The following FAM83B variants were observed in gnomAD, a reference collection of about 807,000 sequenced individuals.
The protein encoded by FAM83B is protein FAM83B.
FAM83B carries 26 observed loss-of-function variants against 38.8 expected under a neutral mutation model. The ratio of observed to expected loss-of-function variants is 0.67; its 90% CI spans 0.49 to 0.93. The LOEUF is 0.93. Ranked by LOEUF, FAM83B falls within the 40% of genes least tolerant of loss-of-function variation. FAM83B has a pLI of 0.00. For synonymous variants in FAM83B, 419 were observed against 423.1 expected (o/e 0.99, Z 0.12); for missense variants, 1,237 against 1,197.3 (o/e 1.03, Z -0.49).
At chr6:54,861,932 A>C (rs1771594984) in intron 1 of FAM83B, among the ~76,000 whole-genome samples, 1 of 152,140 alleles carries the variant, frequency 6.6e-6, no homozygotes. Flanking sequence ...CATTCAATCT[A>C]TATCTAATCT....
intron 4 of FAM83B, among the ~76,000 whole-genome samples, chr6:54,931,534 T>TA (rs536655684): frequency 1.2e-4 from 19 of 152,142 alleles, no homozygotes; most frequent in Non-Finnish European, 1.9e-4. Context: ...ACCCCTTTTT[T>TA]ATCACATAAT....
intron 2 of FAM83B, among the ~76,000 whole-genome samples, chr6:54,901,692 GCT>G (rs1772665326): frequency 6.6e-6 from 1 of 152,122 alleles, no homozygotes; most frequent in Non-Finnish European, 1.5e-5. Flanking sequence ...AAGGTACTAA[GCT>G]CTTTCTTGCA....
At chr6:54,874,616 G>GT (rs554284110) in intron 2 of FAM83B, among the ~76,000 whole-genome samples, 24 of 151,470 alleles carry the variant, frequency 1.6e-4, no homozygotes, top group South Asian at 4.2e-4. Flanking sequence ...TTTCATTAAA[G>GT]TTTTTTTTTC....
chr6:54,853,266 T>G (rs955383560), intron 1 of FAM83B, among the ~76,000 whole-genome samples: 2 of 152,174 alleles, frequency 1.3e-5, no homozygotes, highest in Non-Finnish European at 2.9e-5. Context: ...CTGAAGCAAG[T>G]TATCCAGAAA....
chr6:54,855,783 A>G (rs974854095), intron 1 of FAM83B, among the ~76,000 whole-genome samples: 2 of 152,212 alleles, frequency 1.3e-5, no homozygotes, highest in African/African-American at 4.8e-5. Context: ...AGCCCTTGAA[A>G]TCCTAAGTAT....
chr6:54,905,632 G>A (rs368002404), intron 2 of FAM83B, among the ~76,000 whole-genome samples: 3 of 152,062 alleles, frequency 2.0e-5, no homozygotes, highest in Admixed American at 2.0e-4. Flanking sequence ...GTGTAAAAAA[G>A]TCTTTACTAT....
chr6:54,928,605 T>C (rs151165804), intron 4 of FAM83B, among the ~76,000 whole-genome samples: 21 of 152,262 alleles, frequency 1.4e-4, no homozygotes, highest in Middle Eastern at 3.4e-3. Context: ...AATGAAAACA[T>C]ATTAACAGCA....
chr6:54,915,236 T>C lies in FAM83B; in HGVS notation c.445-11135T>C, dbSNP rs535708663. Among the ~76,000 whole-genome samples, 9 of 152,346 alleles carry C rather than the reference T, an allele frequency of 5.9e-5. No individual in the cohort carries two copies. The South Asian group carries it at 1.2e-3, about 21-fold the overall frequency. On this transcript the variant is annotated intron_variant, in intron 2 of 4. Coordinates refer to ENST00000306858, the MANE Select transcript of FAM83B (RefSeq NM_001010872.3). ...ATCATATTGTTTTGACTTAGTCTGA[T>C]GGCTTTCTTTATACACAAAAATGAA...
intron 2 of FAM83B, among the ~76,000 whole-genome samples, chr6:54,919,559 T>A (rs1193698677): frequency 6.6e-6 from 1 of 152,076 alleles, no homozygotes; most frequent in African/African-American, 2.4e-5. Flanking sequence ...ATGTACAATG[T>A]ACCTTTTAAT....
At chr6:54,927,685 A>C (rs781695772) in intron 4 of FAM83B, 53 bp downstream of exon 4, 208 of 897,316 alleles carry the variant, frequency 2.3e-4, no homozygotes, top group Non-Finnish European at 3.0e-4. Flanking sequence ...ATGATTTATT[A>C]GTTTCAAATT....
intron 1 of FAM83B, among the ~76,000 whole-genome samples, chr6:54,869,488 A>C (rs950026878): frequency 4.0e-5 from 6 of 151,526 alleles, no homozygotes; most frequent in African/African-American, 1.5e-4. Flanking sequence ...TTTTTCTTTA[A>C]TTTTTTTCTT....
chr6:54,936,262 G>A, intron 4 of FAM83B, among the ~76,000 whole-genome samples: 1 of 151,948 alleles, frequency 6.6e-6, no homozygotes, highest in East Asian at 1.9e-4. Flanking sequence ...TTTTCCAATT[G>A]CCACACATTC....
At chr6:54,921,774 C>T (rs1315220024) in intron 2 of FAM83B, among the ~76,000 whole-genome samples, 5 of 152,012 alleles carry the variant, frequency 3.3e-5, no homozygotes, top group Admixed American at 3.3e-4. Flanking sequence ...GCCATGTGGC[C>T]ATGTGTGCAA....
chr6:54,908,602 A>G (rs1275824712), intron 2 of FAM83B, among the ~76,000 whole-genome samples: 1 of 152,168 alleles, frequency 6.6e-6, no homozygotes, highest in African/African-American at 2.4e-5. Flanking sequence ...CGGACTTAAG[A>G]TTCTGTCCTA....
chr6:54,904,501 G>C (rs1284957730), intron 2 of FAM83B, among the ~76,000 whole-genome samples: 1 of 152,002 alleles, frequency 6.6e-6, no homozygotes, highest in African/African-American at 2.4e-5. Flanking sequence ...CCCACTCCAC[G>C]GCTCTGTTTT....
chr6:54,925,084 G>A (rs1053796634), intron 2 of FAM83B, among the ~76,000 whole-genome samples: 2 of 151,888 alleles, frequency 1.3e-5, no homozygotes, highest in African/African-American at 4.8e-5. Flanking sequence ...CTGTTTTTTG[G>A]ATTGCCAGAG....
chr6:54,895,581 A>G (rs762145408), intron 2 of FAM83B, among the ~76,000 whole-genome samples: 1 of 152,188 alleles, frequency 6.6e-6, no homozygotes, highest in Non-Finnish European at 1.5e-5. Context: ...CATATCAAGC[A>G]TCATATATTC....
chr6:54,928,253 T>A (rs1773349392), intron 4 of FAM83B, among the ~76,000 whole-genome samples: 1 of 152,124 alleles, frequency 6.6e-6, no homozygotes, highest in African/African-American at 2.4e-5. Context: ...AGAGTCATTA[T>A]TAAAGACTGA....
At chr6:54,883,037 G>A (rs931528903) in intron 2 of FAM83B, among the ~76,000 whole-genome samples, 4 of 151,812 alleles carry the variant, frequency 2.6e-5, no homozygotes, top group African/African-American at 4.8e-5. Flanking sequence ...TCCGCCTCCC[G>A]GGAGCTTCTC....
Sources: gnomAD v4.1 joint callset for allele counts (sites outside exome capture counted in the v4.1 genomes callset) on GRCh38, gnomAD v4.1.1 for gene constraint, MANE v1.5 for transcripts, NCBI Gene and HGNC (gene_info 2026-07-23, HGNC 2026-07-21) for gene names.